Variants in MGAM2 observed in about 807,000 individuals in gnomAD.
The protein encoded by MGAM2 is probable maltase-glucoamylase 2.
Under a neutral mutation model 96.1 loss-of-function variants are expected in MGAM2, and 98 were observed. The observed-to-expected ratio is 1.02, with a 90% CI of 0.87 to 1.21. The LOEUF (loss-of-function observed/expected upper bound fraction) is 1.21, where lower values mean the gene tolerates loss of function less well. Among genes scored for constraint, MGAM2 ranks in the 50% most tolerant of loss-of-function variants. MGAM2 has a pLI of 0.00. For synonymous variants in MGAM2, 749 were observed against 414.8 expected (o/e 1.81, Z -9.79); for missense variants, 2,055 against 1,182.4 (o/e 1.74, Z -10.82).
intron 15 of MGAM2, among the ~76,000 whole-genome samples, chr7:142,149,826 C>A (rs751719171): frequency 6.6e-6 from 1 of 152,192 alleles, no homozygotes; most frequent in Non-Finnish European, 1.5e-5. Flanking sequence ...CAGGCGTGAG[C>A]CACCGCGCCC....
At position 142,183,338 on chromosome 7, in the gene MGAM2, A is replaced by T; in HGVS notation, c.3889A>T (p.Lys1297Ter). 1.4e-6 allele frequency: 1 copy of T among 703,230 alleles called. No individual in the cohort carries two copies. The highest frequency in any genetic ancestry group is 2.6e-6 in the Non-Finnish European group (1 of 384,950). 43.6% of individuals were successfully genotyped at this position (703,230 alleles called of 1,614,324 possible). A position where few individuals can be genotyped will look rare whatever the true frequency, so the allele number is the denominator to read the frequency against. Reference sequence around the variant, plus strand: ...AGGACAGGAAAATAACGTGTTCATCAAATGGCCTGACACCAATGACATTGT... The same window carrying T: ...AGGACAGGAAAATAACGTGTTCATCTAATGGCCTGACACCAATGACATTGT... ...IRGQENNVFI[K>*]WPDTNDIVWG... Residue 1297 changes from lysine to a stop codon, truncating the protein, a stop_gained, in exon 33 of 48, where the codon AAA (lysine) becomes TAA (stop). Coordinates refer to ENST00000477922, the MANE Select transcript of MGAM2 (RefSeq NM_001293626.2). LOFTEE classifies it high-confidence loss of function.
chr7:142,156,343 T>G (rs1002668900), intron 17 of MGAM2, among the ~76,000 whole-genome samples: 2 of 152,216 alleles, frequency 1.3e-5, no homozygotes, highest in Non-Finnish European at 2.9e-5. Flanking sequence ...TCTTCAAAAT[T>G]TGGTATGCAT....
chr7:142,210,299 GT>G (rs200900613), intron 46 of MGAM2, among the ~76,000 whole-genome samples: 107,522 of 148,854 alleles, frequency 0.72, 38,794 homozygotes, highest in African/African-American at 0.79. Context: ...AGCTTCAGGA[GT>G]TTTTTTTTTT....
intron 3 of MGAM2, among the ~76,000 whole-genome samples, chr7:142,130,165 C>T (rs1241594730): frequency 1.3e-5 from 2 of 152,072 alleles, no homozygotes; most frequent in East Asian, 3.9e-4. Context: ...TGAGAAAGAA[C>T]CACATGTGAT....
chr7:142,219,759 T>A (rs1797863652), intron 47 of MGAM2, 111 bp from the exon 48 acceptor site: 1 of 607,706 alleles, frequency 1.6e-6, no homozygotes, highest in East Asian at 2.7e-5. Flanking sequence ...ATCCTATTAC[T>A]GGAAAGGAAT....
At chr7:142,129,825 CAAAAAAAAAAAAAAAAAAAAAAAAAAAA>C (rs71166564) in intron 3 of MGAM2, among the ~76,000 whole-genome samples, 2 of 33,406 alleles carry the variant, frequency 6.0e-5, no homozygotes, top group Non-Finnish European at 1.0e-4. Context: ...AACTCTGTCT[CAAAAAAAAAAAAAAAAAAAAAAAAAAAA>C]AAAAAAAAAA....
chr7:142,173,163 A>G (rs2129091181), intron 30 of MGAM2, 66 bp from the exon 31 acceptor site: 2 of 694,340 alleles, frequency 2.9e-6, no homozygotes, highest in Middle Eastern at 2.4e-4. Context: ...AGTTGATTCA[A>G]GTATAAGTCA....
rs1263917287 is a variant in MGAM2 at position 142,157,391 on chromosome 7, CA to C, written c.1924-544del. 1.3e-3 allele frequency among the ~76,000 whole-genome samples: 187 copies of C among 141,262 alleles called. 1 individual carries two copies. The Middle Eastern group carries it at 0.018, about 13-fold the overall frequency. 92.7% of individuals were successfully genotyped at this position (141,262 alleles called of 152,430 possible). ...ACAAACTGCCTCAGAAGACAGACAC[CA>C]ATTTTTTTTTTTTTTTTTGAGACAG... On this transcript the variant is annotated intron_variant, in intron 17 of 47. Transcript: ENST00000477922.
intron 16 of MGAM2, among the ~76,000 whole-genome samples, chr7:142,154,392 C>A (rs80298599): frequency 0.013 from 1,970 of 152,260 alleles, 32 homozygotes; most frequent in African/African-American, 0.044. Context: ...TCCATGGAAT[C>A]TCTGAAGATA....
At chr7:142,141,331 A>G (rs749648213) in intron 12 of MGAM2, among the ~76,000 whole-genome samples, 3 of 152,190 alleles carry the variant, frequency 2.0e-5, no homozygotes, top group Non-Finnish European at 4.4e-5. Flanking sequence ...CTAATACCAT[A>G]GATAATTGAG....
chr7:142,198,222 C>G (rs1797111271), intron 43 of MGAM2, 27 bp downstream of exon 43: 1 of 701,258 alleles, frequency 1.4e-6, no homozygotes, highest in East Asian at 2.7e-5. Flanking sequence ...TTGTGAAGAA[C>G]CAGTTTGGTC....
chr7:142,170,612 G>T (rs1796156958), intron 27 of MGAM2, among the ~76,000 whole-genome samples: 1 of 152,144 alleles, frequency 6.6e-6, no homozygotes, highest in Non-Finnish European at 1.5e-5. Flanking sequence ...AAAGGAGAAA[G>T]AAATAGCTTC....
At chr7:142,114,154 G>A (rs1223166412) in intron 1 of MGAM2, among the ~76,000 whole-genome samples, 1 of 24,570 alleles carries the variant, frequency 4.1e-5, no homozygotes, top group Non-Finnish European at 7.5e-5. Flanking sequence ...AAGAAAGAAG[G>A]AAAGAAAGAA....
intron 15 of MGAM2, among the ~76,000 whole-genome samples, chr7:142,149,563 C>T (rs1444165595): frequency 4.0e-5 from 6 of 150,674 alleles, no homozygotes; most frequent in African/African-American, 4.9e-5. Flanking sequence ...TTTTTTGAGA[C>T]GGAGTCTCGC....
At chr7:142,202,409 G>C (rs549711393) in intron 45 of MGAM2, among the ~76,000 whole-genome samples, 2 of 152,078 alleles carry the variant, frequency 1.3e-5, no homozygotes, top group Admixed American at 6.6e-5. Flanking sequence ...TATGGATCCC[G>C]TCACCCAGGC....
At chr7:142,158,912 G>A (rs1046907604) in intron 19 of MGAM2, among the ~76,000 whole-genome samples, 4 of 152,140 alleles carry the variant, frequency 2.6e-5, no homozygotes, top group African/African-American at 9.7e-5. Flanking sequence ...AAGGCCCTTT[G>A]AGCTGTTGTT....
chr7:142,137,999 G>A (rs1795110338), intron 9 of MGAM2, among the ~76,000 whole-genome samples: 1 of 152,204 alleles, frequency 6.6e-6, no homozygotes, highest in South Asian at 2.1e-4. Flanking sequence ...CGAATCACTT[G>A]AGGTCAGGAG....
intron 19 of MGAM2, 86 bp downstream of exon 19, chr7:142,158,418 C>T (rs1795798798): frequency 4.7e-6 from 3 of 643,922 alleles, no homozygotes; most frequent in African/African-American, 1.8e-5. Flanking sequence ...CTATCTATGA[C>T]TGCATTTATA....
At chr7:142,158,618 G>A (rs1489435494) in intron 19 of MGAM2, among the ~76,000 whole-genome samples, 3 of 152,170 alleles carry the variant, frequency 2.0e-5, no homozygotes, top group Admixed American at 6.5e-5. Context: ...TGGGGTGTAT[G>A]TGCTGAACAT....
Sources: allele counts gnomAD v4.1 joint callset (sites outside exome capture counted in the v4.1 genomes callset), GRCh38; gene constraint gnomAD v4.1.1; transcripts MANE v1.5; gene names NCBI Gene and HGNC (gene_info 2026-07-23, HGNC 2026-07-21).